The following PACS1 variants were observed in gnomAD, a reference collection of about 807,000 sequenced individuals.
PACS1 encodes the protein PACS-1.
PACS1 carries 24 observed loss-of-function variants against 115.0 expected under a neutral mutation model. The observed-to-expected ratio is 0.21, with a 90% CI of 0.15 to 0.29. PACS1 has a LOEUF of 0.29. Ranked by LOEUF, PACS1 falls within the 10% of genes least tolerant of loss-of-function variation. The probability of loss-of-function intolerance (pLI) is 1.00; values close to 1 mark genes in which losing one functional copy is unlikely to be tolerated. For missense variants in PACS1, 838 were observed against 1,251.2 expected, an observed-to-expected ratio of 0.67 and a Z score of 4.98; for synonymous variants, 453 against 504.5, an observed-to-expected ratio of 0.90 and a Z score of 1.37.
In PACS1 at chr11:66,243,472, C is replaced by T. The variant is rs535040365; in HGVS notation, c.*192C>T. The T allele has an allele frequency of 8.4e-6, 5 of 594,892 alleles. No individual in the cohort carries two copies. Among genetic ancestry groups the T allele is most frequent in the Admixed American group, 5.9e-5 (2 of 34,064 alleles). The allele number at this position is 594,892 out of a possible 1,614,324, so 36.9% of individuals were successfully genotyped here. On this transcript the variant is annotated 3_prime_UTR_variant, in exon 24 of 24. Coordinates refer to ENST00000320580, the MANE Select transcript of PACS1 (RefSeq NM_018026.4). ...CCCTCCCCTCCAGCCCACCCCTGCA[C>T]AGCCCCTCCTCCTTCCCGCTTTTCC...
At chr11:66,211,347 G>T in intron 4 of PACS1, 88 bp downstream of exon 4, 1 of 1,416,520 alleles carries the variant, frequency 7.1e-7, no homozygotes, top group South Asian at 1.3e-5. Flanking sequence ...CCTTCCAGAT[G>T]ATTTTCCCAG....
At chr11:66,101,304 G>A (rs890162194) in intron 1 of PACS1, among the ~76,000 whole-genome samples, 5 of 151,848 alleles carry the variant, frequency 3.3e-5, no homozygotes, top group South Asian at 2.1e-4. Flanking sequence ...TCATGTATGC[G>A]TCCGTTCATG....
chr11:66,172,477 T>C (rs547402955), intron 1 of PACS1, among the ~76,000 whole-genome samples: 12 of 152,298 alleles, frequency 7.9e-5, no homozygotes, highest in East Asian at 7.7e-4. Flanking sequence ...CCTGGGAAGA[T>C]TCCATGTGGA....
chr11:66,214,930 A>ATTTTC lies in PACS1; in HGVS notation c.661-1174_661-1170dup, dbSNP rs1433933612. ...GGCTACTGTGCCCGGCCAAGCAACC[A>ATTTTC]TTTTCTTTTCTTTTCTTTTTTAGAT... On this transcript the variant is annotated intron_variant, in intron 4 of 23. Transcript: ENST00000320580. Among the ~76,000 whole-genome samples, 5 of 149,136 alleles carry ATTTTC rather than the reference A, an allele frequency of 3.4e-5. No individual in the cohort carries two copies. The East Asian group carries it at 6.1e-4, about 18-fold the overall frequency.
intron 7 of PACS1, chr11:66,217,348 G>A (rs1334534667): frequency 3.0e-6 from 1 of 331,472 alleles, no homozygotes; most frequent in Non-Finnish European, 6.0e-6. Flanking sequence ...GATGACATTT[G>A]AGTCCTGAAC....
At chr11:66,147,850 T>C (rs1859161082) in intron 1 of PACS1, among the ~76,000 whole-genome samples, 1 of 152,202 alleles carries the variant, frequency 6.6e-6, no homozygotes, top group Non-Finnish European at 1.5e-5. Context: ...AATTATTGTC[T>C]GTGACACAAA....
chr11:66,205,029 G>A (rs970168057), intron 2 of PACS1, among the ~76,000 whole-genome samples: 1 of 151,538 alleles, frequency 6.6e-6, no homozygotes, highest in Admixed American at 6.6e-5. Flanking sequence ...TTGTTGCCTA[G>A]GCTGCAGTGC....
At chr11:66,189,195 G>A (rs1201757117) in intron 1 of PACS1, among the ~76,000 whole-genome samples, 1 of 152,130 alleles carries the variant, frequency 6.6e-6, no homozygotes, top group Non-Finnish European at 1.5e-5. Context: ...GAGTCCCCAA[G>A]TACCCTTGAG....
At chr11:66,114,193 C>T (rs866535503) in intron 1 of PACS1, among the ~76,000 whole-genome samples, 4 of 151,700 alleles carry the variant, frequency 2.6e-5, no homozygotes, top group Middle Eastern at 6.8e-3. Context: ...CCGAGGCGGG[C>T]GGATCACAAG....
intron 1 of PACS1, among the ~76,000 whole-genome samples, chr11:66,160,764 C>G (rs1486611266): frequency 6.6e-6 from 1 of 151,252 alleles, no homozygotes; most frequent in East Asian, 1.9e-4. Context: ...TCAAGCGATC[C>G]TCCTGCCTCG....
chr11:66,201,529 CTTCTTAAAGAACTAGAAAAG>C (rs1854795924), intron 2 of PACS1, among the ~76,000 whole-genome samples: 1 of 151,598 alleles, frequency 6.6e-6, no homozygotes, highest in Non-Finnish European at 1.5e-5. Context: ...CTTAATGATG[CTTCTTAAAGAACTAGAAAAG>C]CAAGAGCAAA....
chr11:66,150,087 A>G (rs912986370), intron 1 of PACS1, among the ~76,000 whole-genome samples: 1 of 152,054 alleles, frequency 6.6e-6, no homozygotes, highest in African/African-American at 2.4e-5. Context: ...TTTCTCCCCC[A>G]CATCCCCTCT....
intron 1 of PACS1, among the ~76,000 whole-genome samples, chr11:66,148,387 T>C (rs1021237915): frequency 2.0e-5 from 3 of 152,128 alleles, no homozygotes; most frequent in African/African-American, 7.2e-5. Context: ...CCTCAAATGA[T>C]CCTCTTGCCT....
intron 1 of PACS1, among the ~76,000 whole-genome samples, chr11:66,137,639 TAAGCA>T (rs1858877955): frequency 6.6e-6 from 1 of 152,188 alleles, no homozygotes; most frequent in Non-Finnish European, 1.5e-5. Flanking sequence ...TGCAGGTTAA[TAAGCA>T]TCTCTTATGT....
chr11:66,232,129 C>G, intron 13 of PACS1, 43 bp from the exon 14 acceptor site: 1 of 1,323,338 alleles, frequency 7.6e-7, no homozygotes, highest in Non-Finnish European at 1.1e-6. Flanking sequence ...CTCAGGCTCC[C>G]CAGGGACTCC....
intron 1 of PACS1, among the ~76,000 whole-genome samples, chr11:66,101,369 T>C (rs1377824849): frequency 6.6e-6 from 1 of 152,208 alleles, no homozygotes; most frequent in Non-Finnish European, 1.5e-5. Flanking sequence ...ATACAGTGGG[T>C]TGGGAATCTT....
intron 2 of PACS1, among the ~76,000 whole-genome samples, chr11:66,202,724 A>AGG (rs533637068): frequency 9.2e-4 from 17 of 18,446 alleles, no homozygotes; most frequent in East Asian, 3.2e-3. Flanking sequence ...CCTCATCTCT[A>AGG]GGAAAAAAAA....
intron 1 of PACS1, among the ~76,000 whole-genome samples, chr11:66,141,530 T>C (rs1167332815): frequency 6.6e-6 from 1 of 151,876 alleles, no homozygotes; most frequent in Non-Finnish European, 1.5e-5. Flanking sequence ...GGTGGGTGCC[T>C]GTAGTCCTGG....
At chr11:66,089,862 T>C (rs1424386232) in intron 1 of PACS1, among the ~76,000 whole-genome samples, 1 of 151,686 alleles carries the variant, frequency 6.6e-6, no homozygotes, top group Non-Finnish European at 1.5e-5. Context: ...AAAAATTAGC[T>C]GGGTGTGGTG....
Sources: gnomAD v4.1 joint callset for allele counts (sites outside exome capture counted in the v4.1 genomes callset) on GRCh38, gnomAD v4.1.1 for gene constraint, MANE v1.5 for transcripts, NCBI Gene and HGNC (gene_info 2026-07-23, HGNC 2026-07-21) for gene names.